SENP7: variants seen among roughly 807,000 people sequenced by gnomAD.
SENP7 encodes the protein sentrin-specific protease 7.
SENP7 carries 64 observed loss-of-function variants against 141.2 expected under a neutral mutation model. That is an observed-to-expected ratio of 0.45 (90% confidence interval 0.37 to 0.56). The LOEUF is 0.56. SENP7 is among the 20% of genes least tolerant of loss of function. SENP7 has a pLI of 0.00. For missense variants in SENP7, 1,025 were observed against 1,212.2 expected, an observed-to-expected ratio of 0.85 and a Z score of 2.29; for synonymous variants, 382 against 426.4, an observed-to-expected ratio of 0.90 and a Z score of 1.28.
At chr3:101,341,417 C>T (rs1471317342) in intron 15 of SENP7, among the ~76,000 whole-genome samples, 5 of 152,222 alleles carry the variant, frequency 3.3e-5, no homozygotes, top group South Asian at 4.2e-4. Context: ...AAATATGACA[C>T]TTTGTCTGCC....
At position 101,414,384 on chromosome 3, in the gene SENP7, C is replaced by T. The variant is rs1278118788; in HGVS notation, c.482+3209G>A. 7.6e-6 allele frequency: 7 copies of T among 924,740 alleles called. No individual in the cohort carries two copies. In the Admixed American group the frequency reaches 1.2e-4, roughly 16 times the overall value. 57.3% of individuals were successfully genotyped at this position (924,740 alleles called of 1,614,324 possible). A position where few individuals can be genotyped will look rare whatever the true frequency, so the allele number is the denominator to read the frequency against. The stretch of plus-strand genomic sequence containing the variant: ...AGCAGGTGCACCAGTGCATCAAGCA[C>T]TGCCATGTGCTTCTGGCTCAAGCCC... On this transcript the variant is annotated intron_variant, in intron 5 of 23. Coordinates refer to ENST00000394095, the MANE Select transcript of SENP7 (RefSeq NM_020654.5).
chr3:101,396,881 T>C (rs1421575628), intron 6 of SENP7, among the ~76,000 whole-genome samples: 2 of 152,200 alleles, frequency 1.3e-5, no homozygotes, highest in Non-Finnish European at 2.9e-5. Context: ...TTTGCTCTTG[T>C]TGCCCAGGCT....
At chr3:101,483,226 A>T (rs1440100749) in intron 3 of SENP7, among the ~76,000 whole-genome samples, 13 of 152,206 alleles carry the variant, frequency 8.5e-5, no homozygotes, top group Admixed American at 7.9e-4. Flanking sequence ...GGATTAAAAA[A>T]AAGTGGTACA....
intron 1 of SENP7, among the ~76,000 whole-genome samples, chr3:101,510,540 G>C (rs115962300): frequency 0.028 from 4,223 of 152,062 alleles, 206 homozygotes; most frequent in African/African-American, 0.098. Flanking sequence ...GCATACTTAG[G>C]AAACTTTGAT....
intron 5 of SENP7, among the ~76,000 whole-genome samples, chr3:101,404,283 G>A (rs894294504): frequency 1.3e-5 from 2 of 152,078 alleles, no homozygotes; most frequent in African/African-American, 4.8e-5. Flanking sequence ...ACAATTCTGT[G>A]ATCTTTGACA....
intron 16 of SENP7, 73 bp from the exon 17 acceptor site, chr3:101,337,704 G>T: frequency 1.6e-6 from 2 of 1,216,538 alleles, no homozygotes; most frequent in Non-Finnish European, 2.2e-6. Context: ...TGTCTTATGT[G>T]TTCTGGAAAT....
chr3:101,356,484 C>A (rs1576066917), intron 11 of SENP7, among the ~76,000 whole-genome samples: 1 of 152,058 alleles, frequency 6.6e-6, no homozygotes, highest in East Asian at 1.9e-4. Flanking sequence ...AATTACAATA[C>A]TTCAAAAAAT....
chr3:101,331,952 T>C (rs1381370375), intron 19 of SENP7, 33 bp downstream of exon 19: 1 of 1,605,284 alleles, frequency 6.2e-7, no homozygotes. Context: ...TTGTCATCAT[T>C]ATTAAAAACA....
At chr3:101,463,374 T>TATATATATATAC (rs2063626744) in intron 3 of SENP7, among the ~76,000 whole-genome samples, 2 of 86,000 alleles carry the variant, frequency 2.3e-5, no homozygotes, top group Non-Finnish European at 4.4e-5. Context: ...AATATATATA[T>TATATATATATAC]ATATATATAT....
intron 4 of SENP7, among the ~76,000 whole-genome samples, chr3:101,450,301 C>A (rs1442506026): frequency 1.3e-5 from 2 of 151,800 alleles, no homozygotes; most frequent in African/African-American, 4.8e-5. Context: ...TTAGACAGAT[C>A]AACAAGACAG....
chr3:101,497,712 T>TC (rs1237482798), intron 2 of SENP7, among the ~76,000 whole-genome samples: 1 of 152,152 alleles, frequency 6.6e-6, no homozygotes, highest in Non-Finnish European at 1.5e-5. Flanking sequence ...CCTAGAATCC[T>TC]CACACTTTGA....
intron 3 of SENP7, among the ~76,000 whole-genome samples, chr3:101,466,060 A>T (rs895023147): frequency 3.9e-5 from 6 of 152,130 alleles, no homozygotes; most frequent in Non-Finnish European, 8.8e-5. Flanking sequence ...ACAGATTTTT[A>T]AAAAAATAAC....
At chr3:101,392,941 G>C (rs988325019) in intron 6 of SENP7, among the ~76,000 whole-genome samples, 1 of 152,050 alleles carries the variant, frequency 6.6e-6, no homozygotes, top group African/African-American at 2.4e-5. Flanking sequence ...CTATGATCAT[G>C]GACTGCACTA....
chr3:101,472,480 A>G (rs1449415850), intron 3 of SENP7, among the ~76,000 whole-genome samples: 2 of 152,068 alleles, frequency 1.3e-5, no homozygotes, highest in Non-Finnish European at 2.9e-5. Context: ...GGCGGGGAAC[A>G]TCACACACTG....
intron 3 of SENP7, among the ~76,000 whole-genome samples, chr3:101,463,400 T>TACATATATATATATATATACAC (rs1553744825): frequency 1.3e-5 from 1 of 77,992 alleles, no homozygotes; most frequent in Admixed American, 1.6e-4. Flanking sequence ...TATATATACA[T>TACATATATATATATATATACAC]ATATATATAT....
intron 16 of SENP7, 46 bp from the exon 17 acceptor site, chr3:101,337,677 C>T (rs1380738604): frequency 1.1e-5 from 16 of 1,444,786 alleles, no homozygotes; most frequent in Middle Eastern, 1.8e-4. Flanking sequence ...TTAGATTTTA[C>T]TTGGTCGTCC....
At chr3:101,421,006 T>C (rs1227402771) in intron 4 of SENP7, among the ~76,000 whole-genome samples, 1 of 152,112 alleles carries the variant, frequency 6.6e-6, no homozygotes, top group East Asian at 1.9e-4. Flanking sequence ...TAAAAATAAA[T>C]AAATAAAAGA....
chr3:101,390,239 A>AC (rs1347917772), intron 6 of SENP7, among the ~76,000 whole-genome samples: 1 of 151,162 alleles, frequency 6.6e-6, no homozygotes, highest in African/African-American at 2.4e-5. Context: ...AAAAAAAAAA[A>AC]AAAACCCAGA....
intron 5 of SENP7, chr3:101,414,735 T>A: frequency 4.4e-6 from 3 of 684,492 alleles, no homozygotes; most frequent in Non-Finnish European, 7.4e-6. Flanking sequence ...ATGAAGAAAT[T>A]AAGGATGGCC....
Sources: allele counts gnomAD v4.1 joint callset (sites outside exome capture counted in the v4.1 genomes callset), GRCh38; gene constraint gnomAD v4.1.1; transcripts MANE v1.5; gene names NCBI Gene and HGNC (gene_info 2026-07-23, HGNC 2026-07-21).